The following ACOX3 variants were observed in gnomAD, a reference collection of about 807,000 sequenced individuals.
ACOX3 encodes peroxisomal acyl-coenzyme A oxidase 3.
In ACOX3, 73 loss-of-function variants were observed where a neutral mutation model predicts 81.5. The observed-to-expected ratio is 0.90, with a 90% CI of 0.74 to 1.09. The LOEUF (loss-of-function observed/expected upper bound fraction) is 1.09, where lower values mean the gene tolerates loss of function less well. Among genes scored for constraint, ACOX3 ranks in the 50% least tolerant of loss-of-function variants. The pLI is 0.00. For missense variants in ACOX3, 947 were observed against 928.0 expected, an observed-to-expected ratio of 1.02 and a Z score of -0.27; for synonymous variants, 387 against 375.1, an observed-to-expected ratio of 1.03 and a Z score of -0.37.
At position 8,389,071 on chromosome 4, in the gene ACOX3, G is replaced by T; in HGVS notation, c.1537+102C>A. On this transcript the variant is annotated intron_variant, in intron 13 of 17. Transcript: ENST00000356406. This position sits in a 1 kb window ranked among gnomAD's most constrained non-coding sequence, Gnocchi z 5.3. ...GGCCTCCCACCACCACTGCTGCCCC[G>T]GCTGGAACTGCCAAGGGTCCCCTCA... 1 of 915,618 alleles carries T rather than the reference G, an allele frequency of 1.1e-6. No individual in the cohort carries two copies. The allele number at this position is 915,618 out of a possible 1,614,324, so 56.7% of individuals were successfully genotyped here.
In ACOX3 at chr4:8,394,706, C is replaced by A. The variant is rs371820928; in HGVS notation, c.1093G>T (p.Ala365Ser). The change falls in exon 10 of 18, where the codon GCC becomes TCC. Residue 365 changes from alanine to serine, a missense_variant. Physicochemically the swap from Ala to Ser is moderately conservative, Grantham distance 99 (BLOSUM62 1). Coordinates refer to ENST00000356406, the MANE Select transcript of ACOX3 (RefSeq NM_003501.3). The surrounding 1 kb of genome is among the most constrained non-coding windows in gnomAD (Gnocchi z 5.9). ...AGCGACTTGGAGAAATGGTCTAAGG[C>A]GTAGACAGCTGCCAGATATGGAAGC... ...RLLPYLAAVY[A>S]LDHFSKSLFL... The A allele has an allele frequency of 6.2e-7, 1 of 1,613,604 alleles. No homozygotes were observed. The highest frequency in any genetic ancestry group is 1.3e-5 in the African/African-American group (1 of 74,930).
intron 5 of ACOX3, among the ~76,000 whole-genome samples, chr4:8,410,932 C>G (rs1721654020): frequency 6.6e-6 from 1 of 152,240 alleles, no homozygotes; most frequent in East Asian, 1.9e-4. Context: ...GCTGTGGCAT[C>G]ACAGCGTTCG....
intron 1 of ACOX3, among the ~76,000 whole-genome samples, chr4:8,429,143 T>C (rs866247970): frequency 6.6e-6 from 1 of 152,188 alleles, no homozygotes; most frequent in South Asian, 2.1e-4. Context: ...AGATCCAAAC[T>C]AAGACACACA....
chr4:8,378,127 A>C (rs113738074), intron 14 of ACOX3, among the ~76,000 whole-genome samples: 2 of 152,226 alleles, frequency 1.3e-5, no homozygotes, highest in African/African-American at 4.8e-5. Flanking sequence ...AGAGGGTCCC[A>C]GTCTGGTACA....
rs1403730810 is a variant in ACOX3, at chr4:8,394,459, C to T, written c.1179+161G>A. On this transcript the variant is annotated intron_variant, in intron 10 of 17. Coordinates refer to ENST00000356406, the MANE Select transcript of ACOX3 (RefSeq NM_003501.3). This position sits in a 1 kb window ranked among gnomAD's most constrained non-coding sequence, Gnocchi z 5.9. ...GACGCGTGCCCAGCCCGTTCAATCG[C>T]GGCAGAGGCCAAGAGCTCCGAGTGG... 2.0e-5 allele frequency among the ~76,000 whole-genome samples: 3 copies of T among 152,208 alleles called. No homozygotes were observed. The highest frequency in any genetic ancestry group is 4.4e-5 in the Non-Finnish European group (3 of 68,030).
In ACOX3 at chr4:8,437,054, C is replaced by T. The variant is rs571074822; in HGVS notation, c.-15+3594G>A. 6.5e-5 allele frequency among the ~76,000 whole-genome samples: 9 copies of T among 137,988 alleles called. No individual in the cohort carries two copies. Among genetic ancestry groups the T allele is most frequent in the Middle Eastern group, 7.9e-3 (2 of 252 alleles). 90.5% of individuals were successfully genotyped at this position (137,988 alleles called of 152,430 possible). ...AAAAATATATATAAATATATATATA[C>T]AAATATATGTAAATATATAGAAATA... On this transcript the variant is annotated intron_variant, in intron 1 of 17. Transcript: ENST00000356406. This position sits in a 1 kb window ranked among gnomAD's most constrained non-coding sequence, Gnocchi z 5.2.
intron 14 of ACOX3, among the ~76,000 whole-genome samples, chr4:8,375,784 T>C (rs1260940503): frequency 6.6e-6 from 1 of 152,242 alleles, no homozygotes; most frequent in African/African-American, 2.4e-5. Flanking sequence ...TTTCTGTTGC[T>C]GCATTAGTCT....
At chr4:8,371,265 G>C (rs1441857381) in intron 16 of ACOX3, among the ~76,000 whole-genome samples, 1 of 152,158 alleles carries the variant, frequency 6.6e-6, no homozygotes, top group Non-Finnish European at 1.5e-5. Flanking sequence ...TAAAAGTGAC[G>C]ACCCTGAAGC....
chr4:8,401,033 G>A (rs1310674580), intron 7 of ACOX3, among the ~76,000 whole-genome samples: 2 of 151,476 alleles, frequency 1.3e-5, no homozygotes, highest in East Asian at 3.9e-4. Flanking sequence ...AGATCATCAG[G>A]TATTAGATTC....
rs140591156 is a variant in ACOX3 at position 8,398,407 on chromosome 4, G to T, written c.873+1149C>A. ...ACTTTTCCTCTTTGGTCCTCCAAGA[G>T]TCCCTTCAACCAAAAGCCTTCTTCC... is the stretch of plus-strand genomic sequence containing the variant. On this transcript the variant is annotated intron_variant, in intron 8 of 17. Coordinates refer to ENST00000356406, the MANE Select transcript of ACOX3 (RefSeq NM_003501.3). Among the ~76,000 whole-genome samples, 173 of 152,234 alleles carry T rather than the reference G, an allele frequency of 1.1e-3. 2 individuals carry two copies. Among genetic ancestry groups the T allele is most frequent in the African/African-American group, 3.9e-3 (163 of 41,546 alleles).
rs540047196 is a variant in ACOX3, at chr4:8,417,049, A to T, written c.-14-514T>A. ...GGCCTCCAGCACAGAACCTCTGATC[A>T]CAGGCTTCTGCACTGGCTTCTCCTC... On this transcript the variant is annotated intron_variant, in intron 1 of 17. Coordinates refer to ENST00000356406, the MANE Select transcript of ACOX3 (RefSeq NM_003501.3). Among the ~76,000 whole-genome samples, 12 of 152,348 alleles carry T rather than the reference A, an allele frequency of 7.9e-5. No homozygotes were observed. The East Asian group carries it at 2.3e-3, about 29-fold the overall frequency.
chr4:8,368,078 C>T lies in ACOX3; in HGVS notation c.1984-998G>A, dbSNP rs1422656475. ...ACCGCAGGATGCTGCAAGGCTGCATCGACTGCTGCTCTGAAATCTGCTCTC... is the reference window on the plus strand; with the variant it reads ...ACCGCAGGATGCTGCAAGGCTGCATTGACTGCTGCTCTGAAATCTGCTCTC... On this transcript the variant is annotated intron_variant, in intron 17 of 17. Coordinates refer to ENST00000356406, the MANE Select transcript of ACOX3 (RefSeq NM_003501.3). This position sits in a 1 kb window ranked among gnomAD's most constrained non-coding sequence, Gnocchi z 5.9. Among the ~76,000 whole-genome samples the T allele has an allele frequency of 5.9e-5, 9 of 152,202 alleles. No individual in the cohort carries two copies. The highest frequency in any genetic ancestry group is 1.3e-4 in the Admixed American group (2 of 15,288).
intron 14 of ACOX3, among the ~76,000 whole-genome samples, chr4:8,377,055 AC>A (rs1717057426): frequency 6.6e-6 from 1 of 151,722 alleles, no homozygotes; most frequent in Non-Finnish European, 1.5e-5. Context: ...CGGCATCTGC[AC>A]CCCCGTAGGC....
At chr4:8,361,425 CAAAAAAAAAAAAAA>C (rs56251372), downstream of ACOX3, among the ~76,000 whole-genome samples, 47 of 39,028 alleles carry the variant, frequency 1.2e-3, no homozygotes, top group African/African-American at 5.4e-3. Context: ...GACTCTATCT[CAAAAAAAAAAAAAA>C]AAAAAAAAAA....
At chr4:8,420,432 C>T (rs995496703) in intron 1 of ACOX3, among the ~76,000 whole-genome samples, 22 of 152,278 alleles carry the variant, frequency 1.4e-4, no homozygotes, top group African/African-American at 5.3e-4. Flanking sequence ...GGGAAGGTGA[C>T]CACACCCACC....
At chr4:8,366,167 T>A (rs1478958972), downstream of ACOX3, 2 of 152,266 alleles carry the variant, frequency 1.3e-5, no homozygotes, top group African/African-American at 4.8e-5. Context: ...GGGGGAGGCG[T>A]GCACTGATGG....
rs111323227 is a variant in ACOX3, at chr4:8,438,191, A to T, written c.-15+2457T>A. Among the ~76,000 whole-genome samples the T allele has an allele frequency of 8.9e-3, 1,362 of 152,368 alleles. 7 individuals carry two copies. Among genetic ancestry groups the T allele is most frequent in the South Asian group, 0.034 (162 of 4,830 alleles). ...CAGGACAGAAAAAGTACAAGAAGTG[A>T]CTAAAGTATTGTTAAAAGACATTAT... On this transcript the variant is annotated intron_variant, in intron 1 of 17. Transcript: ENST00000356406.
intron 7 of ACOX3, among the ~76,000 whole-genome samples, chr4:8,402,313 G>A (rs1720456400): frequency 6.6e-6 from 1 of 152,214 alleles, no homozygotes; most frequent in African/African-American, 2.4e-5. Flanking sequence ...GGCAGCGGGG[G>A]GGCCAGCTCC....
intron 8 of ACOX3, among the ~76,000 whole-genome samples, chr4:8,397,847 TCA>T (rs1242225820): frequency 2.0e-5 from 3 of 152,240 alleles, no homozygotes; most frequent in African/African-American, 7.2e-5. Context: ...CACATAGGAA[TCA>T]CAGTCTCGTT....
Sources: allele counts gnomAD v4.1 joint callset (sites outside exome capture counted in the v4.1 genomes callset), GRCh38; gene constraint gnomAD v4.1.1; non-coding constraint Gnocchi (gnomAD v3.1); transcripts MANE v1.5; gene names NCBI Gene and HGNC (gene_info 2026-07-23, HGNC 2026-07-21).